Variants in CDH18 observed in about 807,000 individuals in gnomAD.
CDH18 encodes cadherin 18.
CDH18 carries 31 observed loss-of-function variants against 67.9 expected under a neutral mutation model. That is an observed-to-expected ratio of 0.46 (90% CI 0.34 to 0.62). The LOEUF (loss-of-function observed/expected upper bound fraction) is 0.62, where lower values mean the gene tolerates loss of function less well. Among genes scored for constraint, CDH18 ranks in the 20% least tolerant of loss-of-function variants. The probability of loss-of-function intolerance (pLI) is 0.01; values close to 1 mark genes in which losing one functional copy is unlikely to be tolerated. For synonymous variants in CDH18, 362 were observed against 347.2 expected, an observed-to-expected ratio of 1.04 and a Z score of -0.48; for missense variants, 890 against 975.5, an observed-to-expected ratio of 0.91 and a Z score of 1.17.
chr5:19,618,526 A>C (rs1330892347), intron 5 of CDH18, among the ~76,000 whole-genome samples: 4 of 151,796 alleles, frequency 2.6e-5, no homozygotes, highest in African/African-American at 4.8e-5. Context: ...TCTTTTTCTT[A>C]ATTTGTTCAG....
chr5:19,708,937 G>T (rs1390686952), intron 5 of CDH18, among the ~76,000 whole-genome samples: 3 of 151,996 alleles, frequency 2.0e-5, no homozygotes, highest in African/African-American at 7.2e-5. Context: ...TGACCGAGCT[G>T]GTCTCAGCAT....
chr5:20,172,223 T>TATATATATACGTATATATATATATAC (rs1554098639), intron 2 of CDH18, among the ~76,000 whole-genome samples: 1 of 43,924 alleles, frequency 2.3e-5, no homozygotes, highest in Non-Finnish European at 4.0e-5. Context: ...TATATATATA[T>TATATATATACGTATATATATATATAC]GTATATATAT....
At chr5:20,214,931 G>T (rs1189993187) in intron 2 of CDH18, among the ~76,000 whole-genome samples, 2 of 151,954 alleles carry the variant, frequency 1.3e-5, no homozygotes, top group Admixed American at 6.6e-5. Flanking sequence ...GAAAATATTT[G>T]CAAACTATGC....
rs552699577 is a variant in CDH18, at chr5:20,199,799, C to T, written c.-518+55645G>A. 2.6e-5 allele frequency among the ~76,000 whole-genome samples: 4 copies of T among 152,222 alleles called. No homozygotes were observed. In the South Asian group the frequency reaches 6.2e-4, roughly 24 times the overall value. On this transcript the variant is annotated intron_variant, in intron 2 of 14. Transcript: ENST00000507958. ...ATTGAATCATGGGGGTGGTTTCTCC[C>T]ATGCTGTTCTTGTGAAAGTGAGTGA...
intron 1 of CDH18, among the ~76,000 whole-genome samples, chr5:19,986,338 C>T (rs1250617090): frequency 6.6e-6 from 1 of 152,098 alleles, no homozygotes; most frequent in African/African-American, 2.4e-5. Flanking sequence ...GAGTTTCCTG[C>T]CACTCACTGT....
chr5:20,125,411 A>C (rs1033115726), intron 2 of CDH18, among the ~76,000 whole-genome samples: 11 of 152,126 alleles, frequency 7.2e-5, no homozygotes, highest in Non-Finnish European at 1.5e-4. Context: ...TATTTGAGAT[A>C]CAAAGTGTCA....
chr5:20,360,887 C>T (rs1742035396), intron 1 of CDH18, among the ~76,000 whole-genome samples: 1 of 151,986 alleles, frequency 6.6e-6, no homozygotes, highest in African/African-American at 2.4e-5. Flanking sequence ...TACCTCCTCA[C>T]TCACAAAAAT....
rs540627445 is a variant in CDH18, at chr5:20,519,418, A to G, written c.-580+56044T>C. Among the ~76,000 whole-genome samples the G allele has an allele frequency of 5.3e-5, 8 of 152,242 alleles. No individual in the cohort carries two copies. The East Asian group carries it at 1.4e-3, about 26-fold the overall frequency. On this transcript the variant is annotated intron_variant, in intron 1 of 14. Transcript: ENST00000507958. ...TCTCACTCATAGGTGGGAATTGAAC[A>G]ACGGGAACACATGGACACAGGAAGG... is the stretch of plus-strand genomic sequence containing the variant.
At chr5:19,475,301 C>A (rs1024599570) in intron 12 of CDH18, among the ~76,000 whole-genome samples, 5 of 151,132 alleles carry the variant, frequency 3.3e-5, no homozygotes, top group Non-Finnish European at 5.9e-5. Flanking sequence ...GCATTTGATA[C>A]ACATAATTTA....
At chr5:19,605,937 G>A (rs980738277) in intron 6 of CDH18, among the ~76,000 whole-genome samples, 4 of 152,050 alleles carry the variant, frequency 2.6e-5, no homozygotes, top group Non-Finnish European at 5.9e-5. Flanking sequence ...TGTGGTAATT[G>A]TAGACACATC....
rs555351196 is a variant in CDH18, at chr5:20,348,217, A to G, written c.-579-92712T>C. 2.6e-5 allele frequency among the ~76,000 whole-genome samples: 4 copies of G among 152,320 alleles called. No homozygotes were observed. In the South Asian group the frequency reaches 6.2e-4, roughly 24 times the overall value. On this transcript the variant is annotated intron_variant, in intron 1 of 14. Transcript: ENST00000507958. Reference sequence around the variant, plus strand: ...ATCTTTCTCTCAAACCTGTTTGGATATAAAATAAGATTTCATAGCATGGAA... The same window carrying G: ...ATCTTTCTCTCAAACCTGTTTGGATGTAAAATAAGATTTCATAGCATGGAA...
chr5:19,714,672 T>G (rs1368888379), intron 5 of CDH18, among the ~76,000 whole-genome samples: 1 of 152,118 alleles, frequency 6.6e-6, no homozygotes, highest in Non-Finnish European at 1.5e-5. Flanking sequence ...AAGTTCTCAA[T>G]GTCCTTAATA....
At chr5:20,474,112 T>C (rs971271134) in intron 1 of CDH18, among the ~76,000 whole-genome samples, 7 of 152,168 alleles carry the variant, frequency 4.6e-5, no homozygotes, top group African/African-American at 1.7e-4. Flanking sequence ...ACCTTTGAGG[T>C]GTTAGATCAG....
chr5:19,651,625 A>T (rs533692242), intron 5 of CDH18, among the ~76,000 whole-genome samples: 1 of 152,230 alleles, frequency 6.6e-6, no homozygotes, highest in Admixed American at 6.5e-5. Flanking sequence ...TTGAAACTAT[A>T]AGATAAAATT....
rs907246974 is a variant in CDH18 at position 20,284,604 on chromosome 5, C to A, written c.-579-29099G>T. On this transcript the variant is annotated intron_variant, in intron 1 of 14. Coordinates refer to the CDH18 transcript ENST00000507958. ...ATTCACTAAAATCAATAAACTTCTGCAGAAAAAACTGCATTTAATCCTGCA... is the reference window on the plus strand; with the variant it reads ...ATTCACTAAAATCAATAAACTTCTGAAGAAAAAACTGCATTTAATCCTGCA... Among the ~76,000 whole-genome samples the A allele has an allele frequency of 1.4e-4, 22 of 151,902 alleles. 1 individual carries two copies. Among genetic ancestry groups the A allele is most frequent in the African/African-American group, 5.1e-4 (21 of 41,414 alleles).
chr5:20,198,838 G>T (rs1473738271), intron 2 of CDH18, among the ~76,000 whole-genome samples: 2 of 152,204 alleles, frequency 1.3e-5, no homozygotes, highest in Non-Finnish European at 2.9e-5. Context: ...AGTTGCTCCA[G>T]CTGTGGCTAA....
chr5:20,166,268 C>G (rs1374235166), intron 2 of CDH18, among the ~76,000 whole-genome samples: 2 of 151,590 alleles, frequency 1.3e-5, no homozygotes, highest in African/African-American at 2.4e-5. Flanking sequence ...TGGTGAAACC[C>G]TGTCTCTACT....
chr5:20,278,264 G>C (rs539877387), intron 1 of CDH18, among the ~76,000 whole-genome samples: 14 of 151,928 alleles, frequency 9.2e-5, no homozygotes, highest in Non-Finnish European at 1.8e-4. Flanking sequence ...AAAGCAGCAA[G>C]AGAAAAGAAA....
intron 1 of CDH18, among the ~76,000 whole-genome samples, chr5:20,562,059 A>C (rs1358255263): frequency 6.6e-6 from 1 of 151,964 alleles, no homozygotes; most frequent in East Asian, 1.9e-4. Flanking sequence ...TTACAATAAA[A>C]ATTTAGAGAA....
Sources: allele counts gnomAD v4.1 joint callset (sites outside exome capture counted in the v4.1 genomes callset), GRCh38; gene constraint gnomAD v4.1.1; transcripts MANE v1.5; gene names NCBI Gene and HGNC (gene_info 2026-07-23, HGNC 2026-07-21).